Variants in WWOX observed in about 807,000 individuals in gnomAD.
WWOX encodes WW domain containing oxidoreductase.
In WWOX, 69 loss-of-function variants were observed where a neutral mutation model predicts 46.2. The observed-to-expected ratio is 1.49, with a 90% CI of 1.23 to 1.82. WWOX has a LOEUF of 1.82. Ranked by LOEUF, WWOX falls within the 40% of genes most tolerant of loss-of-function variation. WWOX has a pLI of 0.00. For synonymous variants in WWOX, 359 were observed against 202.6 expected, an observed-to-expected ratio of 1.77 and a Z score of -6.56; for missense variants, 919 against 542.6, an observed-to-expected ratio of 1.69 and a Z score of -6.89.
rs976073233 is a variant in WWOX, at chr16:78,744,422, CTTTTTTTTTTTTTTT to C, written c.1056+311683_1056+311697del. 1.1e-4 allele frequency among the ~76,000 whole-genome samples: 9 copies of C among 82,240 alleles called. No individual in the cohort carries two copies. In the South Asian group the frequency reaches 1.6e-3, roughly 15 times the overall value. 54.0% of individuals were successfully genotyped at this position (82,240 alleles called of 152,430 possible). Reference sequence around the variant, plus strand: ...TAGGAAGGGCCCATGGTCCACACTGCTTTTTTTTTTTTTTTTTTTTTTTTTTTGAAACGGAGTATC... The same window carrying C: ...TAGGAAGGGCCCATGGTCCACACTGCTTTTTTTTTTTTGAAACGGAGTATC... On this transcript the variant is annotated intron_variant, in intron 8 of 8. Coordinates refer to ENST00000566780, the MANE Select transcript of WWOX (RefSeq NM_016373.4).
chr16:79,152,417 A>G (rs1200087007), intron 8 of WWOX, among the ~76,000 whole-genome samples: 1 of 152,146 alleles, frequency 6.6e-6, no homozygotes, highest in Non-Finnish European at 1.5e-5. Flanking sequence ...CATGCCTGTA[A>G]TCCCAGCACT....
intron 8 of WWOX, among the ~76,000 whole-genome samples, chr16:78,543,098 A>T (rs1053076680): frequency 3.3e-5 from 5 of 152,234 alleles, no homozygotes; most frequent in African/African-American, 1.2e-4. Flanking sequence ...CTCATACGAC[A>T]TGTCCAGTGT....
rs148136099 is a variant in WWOX at position 78,236,932 on chromosome 16, G to A, written c.516+72643G>A. 7.5e-3 allele frequency among the ~76,000 whole-genome samples: 1,138 copies of A among 152,022 alleles called. 13 individuals carry two copies. The highest frequency in any genetic ancestry group is 0.025 in the African/African-American group (1,049 of 41,450). On this transcript the variant is annotated intron_variant, in intron 5 of 8. Transcript: ENST00000566780. ...TCTACTAAAAATACAAAAGTTAGCC[G>A]GTGTGGTGGTGCATGCCTGTAATCC...
At chr16:79,109,862 C>A (rs972483122) in intron 8 of WWOX, among the ~76,000 whole-genome samples, 1 of 152,192 alleles carries the variant, frequency 6.6e-6, no homozygotes, top group African/African-American at 2.4e-5. Flanking sequence ...ATGCATGTTA[C>A]TGCAGTACAA....
intron 8 of WWOX, among the ~76,000 whole-genome samples, chr16:78,883,217 C>T (rs1025353734): frequency 2.4e-4 from 36 of 152,084 alleles, no homozygotes; most frequent in Non-Finnish European, 1.8e-4. Flanking sequence ...TTAAAGTAGC[C>T]TCCCCTCTTA....
chr16:78,866,555 C>A (rs747899749), intron 8 of WWOX, among the ~76,000 whole-genome samples: 3 of 152,066 alleles, frequency 2.0e-5, no homozygotes, highest in Admixed American at 6.6e-5. Context: ...TAATGTACCA[C>A]ACGAAATTGG....
At chr16:79,153,576 C>G (rs924344052) in intron 8 of WWOX, among the ~76,000 whole-genome samples, 4 of 152,112 alleles carry the variant, frequency 2.6e-5, no homozygotes, top group Admixed American at 6.6e-5. Context: ...CTAATAATAC[C>G]TGCACACAAT....
intron 8 of WWOX, among the ~76,000 whole-genome samples, chr16:79,115,622 A>G (rs1040780593): frequency 6.6e-6 from 1 of 152,226 alleles, no homozygotes; most frequent in Non-Finnish European, 1.5e-5. Flanking sequence ...TAAGTGTGAT[A>G]TGAGAGTATA....
At chr16:79,186,309 C>T (rs1478529782) in intron 8 of WWOX, among the ~76,000 whole-genome samples, 1 of 152,222 alleles carries the variant, frequency 6.6e-6, no homozygotes, top group East Asian at 1.9e-4. Flanking sequence ...AGCCAGACGT[C>T]TGAGACCACA....
At chr16:78,618,378 G>T (rs922273269) in intron 8 of WWOX, among the ~76,000 whole-genome samples, 7 of 152,194 alleles carry the variant, frequency 4.6e-5, no homozygotes, top group African/African-American at 1.7e-4. Context: ...CAAGGTGTCA[G>T]CAGGGTTGGT....
intron 8 of WWOX, among the ~76,000 whole-genome samples, chr16:79,021,772 C>G (rs1183379456): frequency 6.6e-6 from 1 of 152,212 alleles, no homozygotes; most frequent in Admixed American, 6.5e-5. Flanking sequence ...TACACCCCCT[C>G]TTTCTAGGGT....
At chr16:79,143,662 T>C (rs556936510) in intron 8 of WWOX, among the ~76,000 whole-genome samples, 41 of 152,312 alleles carry the variant, frequency 2.7e-4, no homozygotes, top group Admixed American at 2.4e-3. Flanking sequence ...GTGCCCATTA[T>C]GTTTCACACC....
intron 8 of WWOX, among the ~76,000 whole-genome samples, chr16:79,040,529 G>T (rs796705197): frequency 2.4e-4 from 37 of 152,150 alleles, no homozygotes; most frequent in African/African-American, 8.7e-4. Context: ...ACCTACCTTG[G>T]CCCCACAAAG....
At chr16:78,171,286 C>T (rs1018768579) in intron 5 of WWOX, among the ~76,000 whole-genome samples, 2 of 152,124 alleles carry the variant, frequency 1.3e-5, no homozygotes, top group African/African-American at 4.8e-5. Flanking sequence ...AAATTGCTCG[C>T]ACTTTTAAAG....
intron 8 of WWOX, among the ~76,000 whole-genome samples, chr16:78,442,675 A>G (rs908076673): frequency 2.0e-5 from 3 of 152,144 alleles, no homozygotes; most frequent in African/African-American, 7.2e-5. Context: ...CCCTGTTAAC[A>G]TTGAACATAA....
Position 78,456,226 on chromosome 16 carries a change from G to A in WWOX, c.1056+23474G>A, listed in dbSNP as rs2083813405. Among the ~76,000 whole-genome samples the A allele has an allele frequency of 1.3e-5, 2 of 152,172 alleles. 1 individual carries two copies. Among genetic ancestry groups the A allele is most frequent in the Admixed American group, 1.3e-4 (2 of 15,282 alleles). The stretch of plus-strand genomic sequence containing the variant: ...TTATAGCAGCAACACAGTAAGTTGG[G>A]AAGAGGGACACATTTTTAACATAGA... On this transcript the variant is annotated intron_variant, in intron 8 of 8. Transcript: ENST00000566780.
chr16:79,107,640 C>A (rs1020066596), intron 8 of WWOX, among the ~76,000 whole-genome samples: 5 of 152,220 alleles, frequency 3.3e-5, no homozygotes, highest in Admixed American at 6.5e-5. Flanking sequence ...ACCCCACCCT[C>A]ACCCTTCGTA....
At chr16:78,467,302 A>T (rs2084103060) in intron 8 of WWOX, among the ~76,000 whole-genome samples, 1 of 152,216 alleles carries the variant, frequency 6.6e-6, no homozygotes, top group Non-Finnish European at 1.5e-5. Context: ...GTATATACCC[A>T]TATACACACA....
intron 8 of WWOX, among the ~76,000 whole-genome samples, chr16:78,963,342 G>T (rs1216648915): frequency 1.3e-5 from 2 of 152,136 alleles, no homozygotes; most frequent in African/African-American, 4.8e-5. Context: ...GGTGGTGTAT[G>T]CCTGTGGTCC....
Sources: gnomAD v4.1 joint callset for allele counts (sites outside exome capture counted in the v4.1 genomes callset) on GRCh38, gnomAD v4.1.1 for gene constraint, MANE v1.5 for transcripts, NCBI Gene and HGNC (gene_info 2026-07-23, HGNC 2026-07-21) for gene names.